The following PYGB variants were observed in gnomAD, a reference collection of about 807,000 sequenced individuals.
The protein encoded by PYGB is glycogen phosphorylase B, also known as glycogen phosphorylase, brain form.
Under a neutral mutation model 94.3 loss-of-function variants are expected in PYGB, and 82 were observed. The ratio of observed to expected loss-of-function variants is 0.87; its 90% CI spans 0.73 to 1.04. The LOEUF (loss-of-function observed/expected upper bound fraction) is 1.04, where lower values mean the gene tolerates loss of function less well. Ranked by LOEUF, PYGB falls within the 50% of genes least tolerant of loss-of-function variation. The probability of loss-of-function intolerance (pLI) is 0.00; values close to 1 mark genes in which losing one functional copy is unlikely to be tolerated. For missense variants in PYGB, 1,132 were observed against 1,158.2 expected, an observed-to-expected ratio of 0.98 and a Z score of 0.33; for synonymous variants, 488 against 479.1, an observed-to-expected ratio of 1.02 and a Z score of -0.24.
At position 25,296,485 on chromosome 20, in the gene PYGB, A is replaced by T; in HGVS notation, c.2495A>T (p.Asp832Val). The T allele has an allele frequency of 6.2e-7, 1 of 1,613,718 alleles. No individual in the cohort carries two copies. ...GAGATCTGGGGTGTGGAGCCCTCCGACCTGCAGATCCCGCCCCCCAACATC... is the reference window on the plus strand; with the variant it reads ...GAGATCTGGGGTGTGGAGCCCTCCGTCCTGCAGATCCCGCCCCCCAACATC... The part of the protein sequence containing the change: ...AREIWGVEPS[D>V]LQIPPPNIPR... The change falls in exon 20 of 20, where the codon GAC (aspartate) becomes GTC (valine). Residue 832 changes from aspartate (D) to valine (V), a missense_variant. Physicochemically the swap from Asp to Val is radical, Grantham distance 152. Transcript: ENST00000216962.
intron 2 of PYGB, among the ~76,000 whole-genome samples, chr20:25,261,534 C>A (rs1212636746): frequency 2.6e-5 from 4 of 152,198 alleles, no homozygotes; most frequent in Non-Finnish European, 4.4e-5. Context: ...TGGGGAGAAA[C>A]CAGAGCAGAA....
Position 25,292,549 on chromosome 20 carries a change from G to T in PYGB, c.2113G>T (p.Gly705Trp), listed in dbSNP as rs760769798. 2 of 1,613,272 alleles carry T rather than the reference G, an allele frequency of 1.2e-6. No homozygotes were observed. The highest frequency in any genetic ancestry group is 2.2e-5 in the East Asian group (1 of 44,874). Residue 705 changes from glycine to tryptophan, a missense_variant, in exon 17 of 20, where the codon GGG becomes TGG. Gly to Trp is a radical substitution (Grantham distance 184). Coordinates refer to ENST00000216962, the MANE Select transcript of PYGB (RefSeq NM_002862.4). ...GANVEMAEEAGAENLFIFGLR... is the reference protein window; with the variant it reads ...GANVEMAEEAWAENLFIFGLR... The stretch of plus-strand genomic sequence containing the variant: ...CAACGTGGAGATGGCCGAGGAGGCC[G>T]GGGCCGAGAACCTCTTCATCTTCGG...
At position 25,296,484 on chromosome 20, in the gene PYGB, G is replaced by A. The variant is rs769156651; in HGVS notation, c.2494G>A (p.Asp832Asn). Reference sequence around the variant, plus strand: ...GGAGATCTGGGGTGTGGAGCCCTCCGACCTGCAGATCCCGCCCCCCAACAT... The same window carrying A: ...GGAGATCTGGGGTGTGGAGCCCTCCAACCTGCAGATCCCGCCCCCCAACAT... ...AREIWGVEPS[D>N]LQIPPPNIPR... is the part of the protein sequence containing the mutation. Residue 832 changes from aspartate to asparagine, a missense_variant, in exon 20 of 20, where the codon GAC (aspartate) becomes AAC (asparagine). Coordinates refer to ENST00000216962, the MANE Select transcript of PYGB (RefSeq NM_002862.4). 1.5e-5 allele frequency: 24 copies of A among 1,613,664 alleles called. No homozygotes were observed. The highest frequency in any genetic ancestry group is 1.9e-5 in the Non-Finnish European group (23 of 1,180,002).
chr20:25,272,141 T>C (rs1300907541), intron 4 of PYGB, among the ~76,000 whole-genome samples: 2 of 152,210 alleles, frequency 1.3e-5, no homozygotes, highest in Non-Finnish European at 2.9e-5. Context: ...CCCATGTGCC[T>C]CAGAATGAAA....
At chr20:25,250,408 G>T (rs1456896877) in intron 1 of PYGB, among the ~76,000 whole-genome samples, 1 of 152,196 alleles carries the variant, frequency 6.6e-6, no homozygotes, top group Non-Finnish European at 1.5e-5. Flanking sequence ...TTGTCTACGT[G>T]TGGTGGCTCT....
intron 1 of PYGB, among the ~76,000 whole-genome samples, chr20:25,249,340 A>G (rs770558945): frequency 6.6e-6 from 1 of 152,222 alleles, no homozygotes; most frequent in Non-Finnish European, 1.5e-5. Context: ...TGATAGGTAC[A>G]TGGTAGTCTT....
rs546909355 is a variant in PYGB at position 25,279,233 on chromosome 20, C to G, written c.1092+84C>G. ...GCTACAAGGAGCTGAGCTGGGGGGC[C>G]TCTTCCCTGGCCTTGGGAGAGCTGT... is the stretch of plus-strand genomic sequence containing the variant. On this transcript the variant is annotated intron_variant, in intron 9 of 19. Transcript: ENST00000216962. 1.2e-4 allele frequency: 174 copies of G among 1,396,702 alleles called. No individual in the cohort carries two copies. In the East Asian group the frequency reaches 3.3e-3, roughly 26 times the overall value. 86.5% of individuals were successfully genotyped at this position (1,396,702 alleles called of 1,614,324 possible). A position where few individuals can be genotyped will look rare whatever the true frequency, so the allele number is the denominator to read the frequency against.
chr20:25,278,089 G>A (rs1224507376), intron 7 of PYGB, among the ~76,000 whole-genome samples: 6 of 128,666 alleles, frequency 4.7e-5, no homozygotes, highest in East Asian at 4.9e-4. Context: ...CCTGAGCAGC[G>A]CTGGCACTGT....
chr20:25,251,239 C>G (rs1158163243), intron 1 of PYGB: 1 of 152,242 alleles, frequency 6.6e-6, no homozygotes, highest in Non-Finnish European at 1.5e-5. Flanking sequence ...CAACCTGAAG[C>G]TGCAGAGCCT....
intron 5 of PYGB, 56 bp downstream of exon 5, chr20:25,274,779 C>T (rs45587239): frequency 0.052 from 83,042 of 1,583,878 alleles, 4,385 homozygotes; most frequent in African/African-American, 0.28. Flanking sequence ...GGGGCTGCTG[C>T]GGCTCATTTG....
rs199570469 is a variant in PYGB at position 25,294,266 on chromosome 20, C to A, written c.2286C>A (p.Ile762=). The change falls in exon 18 of 20, where the codon ATC becomes ATA. Residue 762 remains isoleucine, a synonymous_variant. Transcript: ENST00000216962. ...AGGAGCCAGACTGCTTCAAGGACAT[C>A]GTGAACATGCTGATGCACCATGACA... The part of the protein sequence containing the change: ...SPKEPDCFKD[I]VNMLMHHDRF... The A allele has an allele frequency of 2.1e-6, 3 of 1,396,124 alleles. No individual in the cohort carries two copies. The highest frequency in any genetic ancestry group is 2.0e-4 in the Middle Eastern group (1 of 4,974). 86.5% of individuals were successfully genotyped at this position (1,396,124 alleles called of 1,614,324 possible).
At position 25,284,154 on chromosome 20, in the gene PYGB, G is replaced by A. The variant is rs753636463; in HGVS notation, c.1671G>A (p.Lys557=). The stretch of plus-strand genomic sequence containing the variant: ...TCCTGGAGAAGGAGTACAAGGTGAA[G>A]ATCAACCCCTCCTCCATGTTCGATG... The part of the protein sequence containing the change: ...SAFLEKEYKV[K]INPSSMFDVH... The change falls in exon 14 of 20, where the codon AAG becomes AAA. Residue 557 remains lysine (K), a synonymous_variant. Coordinates refer to ENST00000216962, the MANE Select transcript of PYGB (RefSeq NM_002862.4). 16 of 1,613,966 alleles carry A rather than the reference G, an allele frequency of 9.9e-6. No homozygotes were observed. The highest frequency in any genetic ancestry group is 1.3e-5 in the Non-Finnish European group (15 of 1,179,982).
At chr20:25,263,849 G>A (rs1159481507) in intron 2 of PYGB, among the ~76,000 whole-genome samples, 2 of 152,174 alleles carry the variant, frequency 1.3e-5, no homozygotes, top group Non-Finnish European at 1.5e-5. Context: ...TTCTACCAGA[G>A]GTACAAGGAG....
intron 18 of PYGB, among the ~76,000 whole-genome samples, chr20:25,295,223 C>T (rs2088521918): frequency 1.3e-5 from 2 of 152,244 alleles, no homozygotes; most frequent in African/African-American, 4.8e-5. Flanking sequence ...ATGGAGATGC[C>T]GTTCCCCAGC....
In PYGB at chr20:25,297,514, C is replaced by T. The variant is rs768639613; in HGVS notation, c.*992C>T. 1 of 152,314 alleles carries T rather than the reference C, an allele frequency of 6.6e-6. No individual in the cohort carries two copies. Among genetic ancestry groups the T allele is most frequent in the Admixed American group, 6.5e-5 (1 of 15,276 alleles). 9.4% of individuals were successfully genotyped at this position (152,314 alleles called of 1,614,324 possible). ...TCCCTTTCCACCAGTGCCACAGCCT[C>T]GTCTGGAAAAAGGACCAGGGGTCCC... On this transcript the variant is annotated 3_prime_UTR_variant, in exon 20 of 20. Transcript: ENST00000216962.
At chr20:25,259,385 T>C in intron 2 of PYGB, 47 bp downstream of exon 2, 1 of 1,445,014 alleles carries the variant, frequency 6.9e-7, no homozygotes, top group South Asian at 1.2e-5. Context: ...TCGTGGTGCT[T>C]TGAGGTCTGA....
chr20:25,261,868 A>C (rs1049920787), intron 2 of PYGB, among the ~76,000 whole-genome samples: 5 of 152,360 alleles, frequency 3.3e-5, no homozygotes, highest in Admixed American at 2.6e-4. Context: ...TCAACTGGAA[A>C]AAAGGGTATC....
At chr20:25,265,049 A>G (rs2088204991) in intron 2 of PYGB, among the ~76,000 whole-genome samples, 4 of 152,340 alleles carry the variant, frequency 2.6e-5, no homozygotes, top group Non-Finnish European at 4.4e-5. Flanking sequence ...ACAGTAACCA[A>G]AACAGCATGG....
At chr20:25,290,085 C>T (rs956997714) in intron 15 of PYGB, among the ~76,000 whole-genome samples, 11 of 152,198 alleles carry the variant, frequency 7.2e-5, no homozygotes, top group African/African-American at 2.2e-4. Context: ...TTACAGACAT[C>T]GGGTTGTCTG....
Sources: gnomAD v4.1 joint callset for allele counts (sites outside exome capture counted in the v4.1 genomes callset) on GRCh38, gnomAD v4.1.1 for gene constraint, MANE v1.5 for transcripts, NCBI Gene and HGNC (gene_info 2026-07-23, HGNC 2026-07-21) for gene names.